The following GNB1 variants were observed in gnomAD, a reference collection of about 807,000 sequenced individuals.
GNB1 encodes G protein subunit beta 1.
In GNB1, 2 loss-of-function variants were observed where a neutral mutation model predicts 42.9. The ratio of observed to expected loss-of-function variants is 0.05; its 90% CI spans 0.02 to 0.15. The LOEUF is 0.15. GNB1 is among the 10% of genes least tolerant of loss of function. The probability of loss-of-function intolerance (pLI) is 1.00; values close to 1 mark genes in which losing one functional copy is unlikely to be tolerated. For missense variants in GNB1, 193 were observed against 462.2 expected, an observed-to-expected ratio of 0.42 and a Z score of 5.34; for synonymous variants, 183 against 174.7, an observed-to-expected ratio of 1.05 and a Z score of -0.38.
intron 1 of GNB1, among the ~76,000 whole-genome samples, chr1:1,882,774 A>T (rs1006418303): frequency 3.9e-5 from 6 of 152,040 alleles, no homozygotes; most frequent in Non-Finnish European, 7.4e-5. Flanking sequence ...TACAAAAATC[A>T]GCTGGGCATG....
Position 1,853,066 on chromosome 1 carries a change from C to A in GNB1, c.-95-13828G>T, listed in dbSNP as rs529795704. 9.9e-5 allele frequency among the ~76,000 whole-genome samples: 15 copies of A among 152,232 alleles called. No homozygotes were observed. The South Asian group carries it at 2.9e-3, about 29-fold the overall frequency. On this transcript the variant is annotated intron_variant, in intron 1 of 11. Transcript: ENST00000378609. ...CTGGCAGTCCCTCCCAGCTCTCCTG[C>A]AGCACAGACTCAAGCCTCCCTTCCA...
chr1:1,813,314 G>C (rs550273727), intron 5 of GNB1, among the ~76,000 whole-genome samples: 85 of 152,170 alleles, frequency 5.6e-4, no homozygotes, highest in African/African-American at 2.0e-3. Flanking sequence ...CGCCATGTTG[G>C]CCAGGAGGCT....
chr1:1,815,107 G>T (rs1352795886), intron 5 of GNB1, among the ~76,000 whole-genome samples: 2 of 145,994 alleles, frequency 1.4e-5, no homozygotes, highest in East Asian at 4.0e-4. Context: ...GTGAGACTCC[G>T]TCTTTAAAAA....
Position 1,790,986 on chromosome 1 carries a change from G to A in GNB1, c.498-390C>T, listed in dbSNP as rs528007366. Among the ~76,000 whole-genome samples, 2 of 152,190 alleles carry A rather than the reference G, an allele frequency of 1.3e-5. No individual in the cohort carries two copies. Among genetic ancestry groups the A allele is most frequent in the East Asian group, 1.9e-4 (1 of 5,146 alleles). On this transcript the variant is annotated intron_variant, in intron 8 of 11. Transcript: ENST00000378609. The surrounding 1 kb of genome is among the most constrained non-coding windows in gnomAD (Gnocchi z 5.4). The stretch of plus-strand genomic sequence containing the variant: ...AGGCCCTGGATGGCGGAGGGGACGC[G>A]ACTCTATCTGTGGCTGCTCCCTCTG...
At chr1:1,888,466 T>C (rs1299056246) in intron 1 of GNB1, among the ~76,000 whole-genome samples, 2 of 152,020 alleles carry the variant, frequency 1.3e-5, no homozygotes, top group Non-Finnish European at 2.9e-5. Flanking sequence ...CAGTCCAGCC[T>C]TCCCCCAGGG....
intron 2 of GNB1, among the ~76,000 whole-genome samples, chr1:1,831,426 C>A (rs998125564): frequency 6.6e-6 from 1 of 152,044 alleles, no homozygotes; most frequent in African/African-American, 2.4e-5. Flanking sequence ...TATACTAAGT[C>A]AAAAATAATA....
chr1:1,806,447 T>C, intron 6 of GNB1, 28 bp downstream of exon 6: 1 of 1,480,760 alleles, frequency 6.8e-7, no homozygotes, highest in Non-Finnish European at 9.4e-7. Flanking sequence ...GGTTGGTTTT[T>C]CAAGGAAGGG....
At chr1:1,836,352 T>C (rs1647149315) in intron 2 of GNB1, among the ~76,000 whole-genome samples, 1 of 150,828 alleles carries the variant, frequency 6.6e-6, no homozygotes, top group African/African-American at 2.4e-5. Flanking sequence ...GTCACTTGCC[T>C]CTTTTTTATT....
chr1:1,833,667 C>T (rs1450073326), intron 2 of GNB1, among the ~76,000 whole-genome samples: 1 of 152,132 alleles, frequency 6.6e-6, no homozygotes, highest in Non-Finnish European at 1.5e-5. Context: ...ACAGTCACTG[C>T]GAACGGGTGA....
intron 2 of GNB1, among the ~76,000 whole-genome samples, chr1:1,835,436 ATGAC>A (rs1462176962): frequency 1.3e-5 from 2 of 152,222 alleles, no homozygotes; most frequent in African/African-American, 2.4e-5. Flanking sequence ...CCTTAGAACC[ATGAC>A]TGACACAGTA....
At chr1:1,807,029 C>T (rs1646704385) in intron 5 of GNB1, among the ~76,000 whole-genome samples, 1 of 152,014 alleles carries the variant, frequency 6.6e-6, no homozygotes, top group African/African-American at 2.4e-5. Flanking sequence ...AACTTCAAAG[C>T]ATGAACAAAA....
At chr1:1,838,430 C>T (rs998189486) in intron 2 of GNB1, among the ~76,000 whole-genome samples, 2 of 150,890 alleles carry the variant, frequency 1.3e-5, no homozygotes, top group Non-Finnish European at 2.9e-5. Context: ...ATCATGTTCA[C>T]CTTACTTTTT....
At chr1:1,822,287 GTCTC>G (rs1373910537) in intron 3 of GNB1, among the ~76,000 whole-genome samples, 2 of 147,978 alleles carry the variant, frequency 1.4e-5, no homozygotes, top group Admixed American at 7.0e-5. Context: ...GTGCCTGGCC[GTCTC>G]TCTTTTTACT....
At chr1:1,873,952 G>A (rs10907193) in intron 1 of GNB1, among the ~76,000 whole-genome samples, 38,885 of 152,098 alleles carry the variant, frequency 0.26, 5,206 homozygotes, top group African/African-American at 0.29. Context: ...AAGAGGGAAC[G>A]CATACCTGCC....
chr1:1,796,203 G>C (rs1031300570), intron 7 of GNB1, among the ~76,000 whole-genome samples: 1 of 152,196 alleles, frequency 6.6e-6, no homozygotes, highest in Non-Finnish European at 1.5e-5. Flanking sequence ...GTTCAGGTTG[G>C]GGGGTGAGGT....
intron 1 of GNB1, among the ~76,000 whole-genome samples, chr1:1,866,263 A>C (rs556216770): frequency 6.6e-6 from 1 of 152,190 alleles, no homozygotes; most frequent in South Asian, 2.1e-4. Context: ...TTAAAACAGT[A>C]TGTTCCTTTC....
Position 1,845,240 on chromosome 1 carries a change from T to C in GNB1, c.-95-6002A>G, listed in dbSNP as rs934502133. ...CGTGGGGGTACATTCTAAGGGCAAATAGAGTTCTGAAATTTAAGCGTCATA... is the reference window on the plus strand; with the variant it reads ...CGTGGGGGTACATTCTAAGGGCAAACAGAGTTCTGAAATTTAAGCGTCATA... On this transcript the variant is annotated intron_variant, in intron 1 of 11. Coordinates refer to ENST00000378609, the MANE Select transcript of GNB1 (RefSeq NM_002074.5). Among the ~76,000 whole-genome samples, 8 of 152,156 alleles carry C rather than the reference T, an allele frequency of 5.3e-5. No individual in the cohort carries two copies. In the East Asian group the frequency reaches 9.6e-4, roughly 18 times the overall value.
rs78015446 is a variant in GNB1, at chr1:1,833,196, C to A, written c.-47+5994G>T. Among the ~76,000 whole-genome samples, 1,271 of 152,172 alleles carry A rather than the reference C, an allele frequency of 8.4e-3. 22 individuals are homozygous for A. The highest frequency in any genetic ancestry group is 0.029 in the African/African-American group (1,217 of 41,498). On this transcript the variant is annotated intron_variant, in intron 2 of 11. Coordinates refer to ENST00000378609, the MANE Select transcript of GNB1 (RefSeq NM_002074.5). ...CCAAACCGGCCCCAGTGTCTTACACCGGGGCAGGAAATTTGCTAACTTGAC... is the reference window on the plus strand; with the variant it reads ...CCAAACCGGCCCCAGTGTCTTACACAGGGGCAGGAAATTTGCTAACTTGAC...
At chr1:1,797,648 G>A (rs1646564824) in intron 7 of GNB1, among the ~76,000 whole-genome samples, 2 of 152,192 alleles carry the variant, frequency 1.3e-5, no homozygotes. Flanking sequence ...ATGTTGGCAG[G>A]CTGGTCTTGC....
Sources: gnomAD v4.1 joint callset for allele counts (sites outside exome capture counted in the v4.1 genomes callset) on GRCh38, gnomAD v4.1.1 for gene constraint, Gnocchi (gnomAD v3.1) non-coding constraint, MANE v1.5 for transcripts, NCBI Gene and HGNC (gene_info 2026-07-23, HGNC 2026-07-21) for gene names.